The following CMIP variants were observed in gnomAD, a reference collection of about 807,000 sequenced individuals.
CMIP encodes the protein c-Maf inducing protein.
Under a neutral mutation model 97.3 loss-of-function variants are expected in CMIP, and 13 were observed. The ratio of observed to expected loss-of-function variants is 0.13; its 90% CI spans 0.09 to 0.21. The LOEUF is 0.21. Among genes scored for constraint, CMIP ranks in the 10% least tolerant of loss-of-function variants. CMIP has a pLI of 1.00. For missense variants in CMIP, 847 were observed against 1,024.9 expected (o/e 0.83, Z 2.37); for synonymous variants, 538 against 436.3 (o/e 1.23, Z -2.91).
chr16:81,664,176 G>A (rs2092578363), intron 6 of CMIP, 93 bp from the exon 7 acceptor site: 1 of 1,244,680 alleles, frequency 8.0e-7, no homozygotes, highest in Non-Finnish European at 1.1e-6. Flanking sequence ...GGCACCCACA[G>A]CTGGGCTGAC....
At chr16:81,602,441 T>A (rs561324278) in intron 1 of CMIP, among the ~76,000 whole-genome samples, 2 of 152,394 alleles carry the variant, frequency 1.3e-5, no homozygotes, top group East Asian at 1.9e-4. Flanking sequence ...TCAGTCAGGT[T>A]TGCGTTGTAA....
chr16:81,505,460 G>A (rs1015549786), intron 1 of CMIP, among the ~76,000 whole-genome samples: 1 of 152,196 alleles, frequency 6.6e-6, no homozygotes, highest in Non-Finnish European at 1.5e-5. Context: ...CAAAGGCAGC[G>A]GGGTCTGTGA....
intron 10 of CMIP, among the ~76,000 whole-genome samples, chr16:81,678,959 A>G (rs576681063): frequency 1.3e-5 from 2 of 152,238 alleles, no homozygotes; most frequent in African/African-American, 4.8e-5. Context: ...GCACATGTGC[A>G]AGGTGCATGC....
chr16:81,590,846 TCCA>T, intron 1 of CMIP, among the ~76,000 whole-genome samples: 1 of 151,946 alleles, frequency 6.6e-6, no homozygotes, highest in African/African-American at 2.4e-5. Context: ...CATCCATCCA[TCCA>T]TCCATCCATC....
chr16:81,692,563 G>A (rs1906214582), intron 11 of CMIP, among the ~76,000 whole-genome samples: 1 of 152,224 alleles, frequency 6.6e-6, no homozygotes, highest in African/African-American at 2.4e-5. Context: ...TTTAGGAAAT[G>A]CTGCCTCTGT....
At chr16:81,640,945 G>A (rs913805887) in intron 3 of CMIP, among the ~76,000 whole-genome samples, 9 of 152,110 alleles carry the variant, frequency 5.9e-5, no homozygotes, top group Non-Finnish European at 1.3e-4. Context: ...GGCAGACACA[G>A]TCCAACCCAC....
Position 81,711,521 on chromosome 16 carries a change from C to T in CMIP, c.*1722C>T, listed in dbSNP as rs1908772665. 6.6e-6 allele frequency: 1 copy of T among 150,446 alleles called. No homozygotes were observed. The highest frequency in any genetic ancestry group is 2.4e-5 in the African/African-American group (1 of 40,822). The allele number at this position is 150,446 out of a possible 1,614,324, so 9.3% of individuals were successfully genotyped here. On this transcript the variant is annotated 3_prime_UTR_variant, in exon 21 of 21. Transcript: ENST00000537098. ...TGTTTGGTTTTCTTTTCTTTCCCCC[C>T]TCCGGTCCCATACTTCACAGCACTC...
chr16:81,605,079 T>C (rs1028230757), intron 1 of CMIP, among the ~76,000 whole-genome samples: 1 of 152,064 alleles, frequency 6.6e-6, no homozygotes, highest in African/African-American at 2.4e-5. Flanking sequence ...GGAAAAGAAG[T>C]ACAGAACCAA....
At chr16:81,604,136 G>C (rs892579195) in intron 1 of CMIP, among the ~76,000 whole-genome samples, 2 of 152,206 alleles carry the variant, frequency 1.3e-5, no homozygotes, top group Admixed American at 6.5e-5. Flanking sequence ...GCTCACGCCT[G>C]TAATCCCAGC....
In CMIP at chr16:81,544,427, A is replaced by AGTGTGT. The variant is rs149240354; in HGVS notation, c.301-63128_301-63123dup. On this transcript the variant is annotated intron_variant, in intron 1 of 20. Transcript: ENST00000537098. ...GACTCTGTCTCATCCTCAGGGGGTA[A>AGTGTGT]GTGTGTGTGTGTGTGTGCGCGCACA... 3.2e-3 allele frequency among the ~76,000 whole-genome samples: 478 copies of AGTGTGT among 150,996 alleles called. 2 individuals are homozygous for AGTGTGT. Among genetic ancestry groups the AGTGTGT allele is most frequent in the Middle Eastern group, 0.021 (6 of 290 alleles).
intron 2 of CMIP, among the ~76,000 whole-genome samples, chr16:81,610,964 A>G (rs2091822160): frequency 6.6e-6 from 1 of 152,050 alleles, no homozygotes; most frequent in African/African-American, 2.4e-5. Flanking sequence ...AGGGTGGGAG[A>G]GGGGACCAAG....
intron 5 of CMIP, among the ~76,000 whole-genome samples, chr16:81,659,276 A>G (rs1322298249): frequency 1.3e-5 from 2 of 152,208 alleles, no homozygotes; most frequent in Non-Finnish European, 2.9e-5. Context: ...CCTGCCATTG[A>G]GGACTGAATG....
chr16:81,548,433 T>C (rs2090590887), intron 1 of CMIP, among the ~76,000 whole-genome samples: 1 of 152,132 alleles, frequency 6.6e-6, no homozygotes, highest in African/African-American at 2.4e-5. Context: ...ACCAGCCAGC[T>C]GGATCAGTCT....
At position 81,705,720 on chromosome 16, in the gene CMIP, C is replaced by G. The variant is rs141223084; in HGVS notation, c.2197+116C>G. ...CCATGCACAGATAGAGAAATTCGTTCATTCACAAACGTGTTCACTGCACAC... is the reference window on the plus strand; with the variant it reads ...CCATGCACAGATAGAGAAATTCGTTGATTCACAAACGTGTTCACTGCACAC... On this transcript the variant is annotated intron_variant, in intron 19 of 20. Transcript: ENST00000537098. The G allele has an allele frequency of 3.6e-4, 238 of 655,764 alleles. 3 individuals carry two copies. In the African/African-American group the frequency reaches 3.9e-3, roughly 11 times the overall value. 40.6% of individuals were successfully genotyped at this position (655,764 alleles called of 1,614,324 possible).
rs1244296323 is a variant in CMIP, at chr16:81,711,226, C to G, written c.*1427C>G. The G allele has an allele frequency of 1.3e-5, 2 of 152,382 alleles. No individual in the cohort carries two copies. The highest frequency in any genetic ancestry group is 2.9e-5 in the Non-Finnish European group (2 of 68,034). The allele number at this position is 152,382 out of a possible 1,614,324, so 9.4% of individuals were successfully genotyped here. A position where few individuals can be genotyped will look rare whatever the true frequency, so the allele number is the denominator to read the frequency against. ...TTTTTCTGTTGGTTTAGCACAAATACTTCCCTCCTCCGGCACCTCCAAACC... is the reference window on the plus strand; with the variant it reads ...TTTTTCTGTTGGTTTAGCACAAATAGTTCCCTCCTCCGGCACCTCCAAACC... On this transcript the variant is annotated 3_prime_UTR_variant, in exon 21 of 21. Coordinates refer to ENST00000537098, the MANE Select transcript of CMIP (RefSeq NM_198390.3).
chr16:81,531,506 G>C (rs558252411), intron 1 of CMIP, among the ~76,000 whole-genome samples: 1 of 152,162 alleles, frequency 6.6e-6, no homozygotes, highest in Non-Finnish European at 1.5e-5. Context: ...GACCCTACCC[G>C]TGTTTTGTTT....
chr16:81,451,553 G>T (rs1034772476), intron 1 of CMIP, among the ~76,000 whole-genome samples: 1 of 152,208 alleles, frequency 6.6e-6, no homozygotes, highest in African/African-American at 2.4e-5. Context: ...AATTCTTTGG[G>T]ATGGGGGAGC....
intron 1 of CMIP, among the ~76,000 whole-genome samples, chr16:81,468,533 T>A (rs2150744190): frequency 6.6e-6 from 1 of 152,370 alleles, no homozygotes; most frequent in African/African-American, 2.4e-5. Context: ...CTCTGTGCTT[T>A]CAGAGTGTTC....
rs181701370 is a variant in CMIP at position 81,480,355 on chromosome 16, C to T, written c.300+34814C>T. 2.6e-4 allele frequency among the ~76,000 whole-genome samples: 39 copies of T among 152,074 alleles called. 1 individual carries two copies. In the East Asian group the frequency reaches 7.3e-3, roughly 29 times the overall value. ...AGGAGTTTGAGACCAGCCTGGCTAG[C>T]GTGGTGAAACCCCATCTCTACTAAA... On this transcript the variant is annotated intron_variant, in intron 1 of 20. Transcript: ENST00000537098.
Sources: gnomAD v4.1 joint callset for allele counts (sites outside exome capture counted in the v4.1 genomes callset) on GRCh38, gnomAD v4.1.1 for gene constraint, MANE v1.5 for transcripts, NCBI Gene and HGNC (gene_info 2026-07-23, HGNC 2026-07-21) for gene names.